Variants in SPECC1L observed in about 807,000 individuals in gnomAD.
SPECC1L encodes cytospin-A.
A neutral mutation model predicts 116.8 loss-of-function variants in SPECC1L; 40 were observed. The ratio of observed to expected loss-of-function variants is 0.34; its 90% confidence interval spans 0.27 to 0.45. The LOEUF (loss-of-function observed/expected upper bound fraction) is 0.45. SPECC1L is among the 20% of genes least tolerant of loss of function. SPECC1L has a pLI of 1.00. For missense variants in SPECC1L, 1,110 were observed against 1,373.6 expected, an observed-to-expected ratio of 0.81 and a Z score of 3.03; for synonymous variants, 504 against 500.6, an observed-to-expected ratio of 1.01 and a Z score of -0.09.
intron 6 of SPECC1L, among the ~76,000 whole-genome samples, chr22:24,327,277 CA>C (rs58725731): frequency 0.23 from 9,616 of 41,618 alleles, 85 homozygotes; most frequent in Non-Finnish European, 0.25. Flanking sequence ...GACTCCGTCT[CA>C]AAAAAAAAAA....
intron 11 of SPECC1L, among the ~76,000 whole-genome samples, chr22:24,354,744 C>G (rs925521167): frequency 1.3e-5 from 2 of 150,932 alleles, no homozygotes; most frequent in African/African-American, 2.4e-5. Flanking sequence ...TCGCTGCAAC[C>G]TGCGCCCCCT....
At chr22:24,344,344 A>G (rs1057259435) in intron 10 of SPECC1L, among the ~76,000 whole-genome samples, 3 of 127,006 alleles carry the variant, frequency 2.4e-5, no homozygotes, top group Non-Finnish European at 4.8e-5. Flanking sequence ...AAAAAAAATT[A>G]AAAAAAAAAA....
chr22:24,271,456 C>A (rs1269184484), intron 1 of SPECC1L, among the ~76,000 whole-genome samples: 1 of 152,270 alleles, frequency 6.6e-6, no homozygotes, highest in Non-Finnish European at 1.5e-5. Flanking sequence ...GGACCCCGGG[C>A]CTGCTGCCGG....
intron 2 of SPECC1L, among the ~76,000 whole-genome samples, chr22:24,283,445 A>G (rs1459872230): frequency 6.6e-6 from 1 of 152,176 alleles, no homozygotes; most frequent in African/African-American, 2.4e-5. Context: ...TGGTTATGAT[A>G]TATTATCCTT....
At chr22:24,333,502 T>G (rs1228205811) in intron 8 of SPECC1L, among the ~76,000 whole-genome samples, 2 of 151,754 alleles carry the variant, frequency 1.3e-5, no homozygotes, top group Middle Eastern at 3.5e-3. Context: ...TTCAAATGAC[T>G]CAGGATGCAT....
At chr22:24,406,892 A>G (rs1345733136) in intron 14 of SPECC1L, among the ~76,000 whole-genome samples, 1 of 152,184 alleles carries the variant, frequency 6.6e-6, no homozygotes, top group African/African-American at 2.4e-5. Context: ...TTCAGCCTGG[A>G]ACATTTCAAA....
chr22:24,331,574 A>G (rs1159517797), intron 8 of SPECC1L, among the ~76,000 whole-genome samples: 1 of 152,212 alleles, frequency 6.6e-6, no homozygotes, highest in African/African-American at 2.4e-5. Context: ...TGTTTTTAAA[A>G]TGCTTTCTGA....
At chr22:24,341,344 A>G (rs2041173360) in intron 10 of SPECC1L, among the ~76,000 whole-genome samples, 1 of 152,210 alleles carries the variant, frequency 6.6e-6, no homozygotes, top group East Asian at 1.9e-4. Context: ...ATTTCCAGGA[A>G]CAGGGAGCTA....
intron 13 of SPECC1L, among the ~76,000 whole-genome samples, chr22:24,366,339 G>A (rs974707285): frequency 6.6e-6 from 1 of 151,924 alleles, no homozygotes; most frequent in Non-Finnish European, 1.5e-5. Context: ...GACTACAGGC[G>A]CCTGCCACCT....
At chr22:24,396,958 C>T (rs2042380755) in intron 14 of SPECC1L, among the ~76,000 whole-genome samples, 1 of 152,252 alleles carries the variant, frequency 6.6e-6, no homozygotes, top group Non-Finnish European at 1.5e-5. Context: ...ACCAGCTCTT[C>T]TCTGGGGTCC....
chr22:24,343,828 T>A (rs1172476492), intron 10 of SPECC1L, among the ~76,000 whole-genome samples: 3 of 152,040 alleles, frequency 2.0e-5, no homozygotes, highest in African/African-American at 7.3e-5. Context: ...AAAGTAAAAT[T>A]ATTTAGGCAA....
At chr22:24,336,411 G>T (rs2041057750) in intron 9 of SPECC1L, among the ~76,000 whole-genome samples, 1 of 151,936 alleles carries the variant, frequency 6.6e-6, no homozygotes, top group African/African-American at 2.4e-5. Context: ...GCCACCTCTG[G>T]GTAATATGAT....
At chr22:24,290,449 G>A (rs963382041) in intron 2 of SPECC1L, among the ~76,000 whole-genome samples, 2 of 152,132 alleles carry the variant, frequency 1.3e-5, no homozygotes, top group African/African-American at 4.8e-5. Flanking sequence ...ACAATTTTAG[G>A]CATAGTATAA....
At position 24,358,113 on chromosome 22, in the gene SPECC1L, TG is replaced by T. The variant is rs1282859690; in HGVS notation, c.2744-5146del. On this transcript the variant is annotated intron_variant, in intron 11 of 16. Transcript: ENST00000314328. Reference sequence around the variant, plus strand: ...TATTGTAGAGGTGTTTTGTTTTTTTTGGTTTTTTTTTTTTTTTTTGAGGCAG... The same window carrying T: ...TATTGTAGAGGTGTTTTGTTTTTTTTGTTTTTTTTTTTTTTTTTGAGGCAG... 2.2e-4 allele frequency among the ~76,000 whole-genome samples: 33 copies of T among 149,172 alleles called. No individual in the cohort carries two copies. The South Asian group carries it at 5.4e-3, about 24-fold the overall frequency.
intron 11 of SPECC1L, among the ~76,000 whole-genome samples, chr22:24,356,153 G>A (rs1481663067): frequency 1.3e-5 from 2 of 151,808 alleles, no homozygotes; most frequent in Non-Finnish European, 2.9e-5. Flanking sequence ...GCTGTTATTG[G>A]GCAGAGTGTT....
At chr22:24,303,693 C>T (rs919646817) in intron 3 of SPECC1L, among the ~76,000 whole-genome samples, 5 of 152,188 alleles carry the variant, frequency 3.3e-5, no homozygotes, top group African/African-American at 1.2e-4. Context: ...AGGCATGTTA[C>T]ACCTTCTGAG....
intron 2 of SPECC1L, among the ~76,000 whole-genome samples, chr22:24,286,711 A>G (rs1019837344): frequency 6.6e-6 from 1 of 152,198 alleles, no homozygotes; most frequent in Non-Finnish European, 1.5e-5. Flanking sequence ...CTATCTAGTA[A>G]GAGTTAGGAT....
At chr22:24,340,076 C>T (rs1319206888) in intron 10 of SPECC1L, among the ~76,000 whole-genome samples, 2 of 150,984 alleles carry the variant, frequency 1.3e-5, no homozygotes, top group Non-Finnish European at 2.9e-5. Flanking sequence ...TGAGCTACCA[C>T]GCCTGACATT....
At chr22:24,300,984 T>G (rs1273660813) in intron 2 of SPECC1L, among the ~76,000 whole-genome samples, 1 of 152,118 alleles carries the variant, frequency 6.6e-6, no homozygotes, top group Non-Finnish European at 1.5e-5. Flanking sequence ...ATTAAAGACT[T>G]AAATGTAAAA....
Sources: allele counts gnomAD v4.1 joint callset (sites outside exome capture counted in the v4.1 genomes callset), GRCh38; gene constraint gnomAD v4.1.1; transcripts MANE v1.5; gene names NCBI Gene and HGNC (gene_info 2026-07-23, HGNC 2026-07-21).